Variants in MUSK observed in about 807,000 individuals in gnomAD.
MUSK encodes the protein muscle associated receptor tyrosine kinase.
MUSK carries 55 observed loss-of-function variants against 88.7 expected under a neutral mutation model. That is an observed-to-expected ratio of 0.62 (90% CI 0.50 to 0.78). The LOEUF (loss-of-function observed/expected upper bound fraction) is 0.78, where lower values mean the gene tolerates loss of function less well. Among genes scored for constraint, MUSK ranks in the 30% least tolerant of loss-of-function variants. The pLI, the probability that MUSK is intolerant of heterozygous loss-of-function variation, is 0.00. For synonymous variants in MUSK, 387 were observed against 391.9 expected (o/e 0.99, Z 0.15); for missense variants, 1,015 against 1,074.3 (o/e 0.94, Z 0.77).
intron 8 of MUSK, among the ~76,000 whole-genome samples, chr9:110,766,663 C>T (rs984328374): frequency 3.3e-5 from 5 of 152,156 alleles, no homozygotes; most frequent in African/African-American, 1.2e-4. Flanking sequence ...ATTGGGGTCA[C>T]GTAACAATTT....
chr9:110,724,092 G>C (rs1374163210), intron 5 of MUSK, among the ~76,000 whole-genome samples: 2 of 151,590 alleles, frequency 1.3e-5, no homozygotes, highest in Non-Finnish European at 2.9e-5. Flanking sequence ...TTGTGTCTCT[G>C]CTTGTTATTA....
At chr9:110,709,077 C>T (rs1057307308) in intron 5 of MUSK, among the ~76,000 whole-genome samples, 3 of 152,040 alleles carry the variant, frequency 2.0e-5, no homozygotes, top group South Asian at 2.1e-4. Context: ...GTTCCAGGTG[C>T]GACATGAGAC....
chr9:110,704,300 A>G (rs891963616), intron 5 of MUSK, among the ~76,000 whole-genome samples: 2 of 152,190 alleles, frequency 1.3e-5, no homozygotes, highest in African/African-American at 4.8e-5. Context: ...CATTAAAAAG[A>G]ATGAGATGGA....
rs552760988 is a variant in MUSK at position 110,761,505 on chromosome 9, CTTCTTT to C, written c.914-694_914-689del. 9.3e-5 allele frequency among the ~76,000 whole-genome samples: 14 copies of C among 150,132 alleles called. No homozygotes were observed. In the South Asian group the frequency reaches 1.7e-3, roughly 18 times the overall value. ...CATGTTCTTTTCTTTTCTCCTTCTC[CTTCTTT>C]TTTCTTTTTTTCCAAGTCTGCTTTA... On this transcript the variant is annotated intron_variant, in intron 7 of 14. Transcript: ENST00000374448.
intron 6 of MUSK, among the ~76,000 whole-genome samples, chr9:110,736,442 T>A (rs1363050611): frequency 6.6e-6 from 1 of 152,070 alleles, no homozygotes; most frequent in Non-Finnish European, 1.5e-5. Context: ...TGGGGGAACA[T>A]AACTAGACAA....
chr9:110,688,920 A>C (rs904600181), intron 3 of MUSK, among the ~76,000 whole-genome samples: 7 of 146,440 alleles, frequency 4.8e-5, no homozygotes, highest in Non-Finnish European at 7.5e-5. Flanking sequence ...TGTTATATAT[A>C]TTTATATATA....
intron 7 of MUSK, among the ~76,000 whole-genome samples, chr9:110,756,216 C>G (rs1252502065): frequency 6.6e-6 from 1 of 151,606 alleles, no homozygotes; most frequent in Non-Finnish European, 1.5e-5. Flanking sequence ...CTGACTGTCT[C>G]CTAGGACATT....
intron 7 of MUSK, among the ~76,000 whole-genome samples, chr9:110,761,545 C>T (rs1222527970): frequency 7.4e-6 from 1 of 134,832 alleles, no homozygotes; most frequent in East Asian, 2.2e-4. Flanking sequence ...TATGCATCTT[C>T]TCTGTTAACC....
At chr9:110,739,285 T>G (rs1321065537) in intron 6 of MUSK, among the ~76,000 whole-genome samples, 2 of 152,146 alleles carry the variant, frequency 1.3e-5, no homozygotes, top group African/African-American at 4.8e-5. Flanking sequence ...AGGCATCAGT[T>G]TTCCTCTTCT....
chr9:110,740,731 C>G (rs947232275), intron 6 of MUSK, among the ~76,000 whole-genome samples: 2 of 152,110 alleles, frequency 1.3e-5, no homozygotes, highest in African/African-American at 4.8e-5. Context: ...AATTTGTATA[C>G]TGCTTTTAAA....
At chr9:110,754,150 T>G (rs1435491869) in intron 7 of MUSK, among the ~76,000 whole-genome samples, 1 of 152,196 alleles carries the variant, frequency 6.6e-6, no homozygotes, top group Non-Finnish European at 1.5e-5. Context: ...TTTGTTTTTG[T>G]TCTTAATAAA....
At chr9:110,716,977 CTTTG>C (rs1484505058) in intron 5 of MUSK, among the ~76,000 whole-genome samples, 1 of 149,526 alleles carries the variant, frequency 6.7e-6, no homozygotes, top group African/African-American at 2.5e-5. Context: ...TTCCTGTGCT[CTTTG>C]TTTGGTATTC....
intron 9 of MUSK, among the ~76,000 whole-genome samples, chr9:110,770,944 A>G (rs1303847682): frequency 6.6e-6 from 1 of 151,964 alleles, no homozygotes; most frequent in Non-Finnish European, 1.5e-5. Flanking sequence ...GAGTTGAACT[A>G]TGTAATTTTT....
At chr9:110,682,979 A>G (rs768433911) in intron 2 of MUSK, among the ~76,000 whole-genome samples, 179 bp downstream of exon 2, 19 of 152,048 alleles carry the variant, frequency 1.2e-4, no homozygotes, top group Non-Finnish European at 2.6e-4. Context: ...ATTACAAACA[A>G]TCCAATTACA....
At chr9:110,679,801 C>T (rs1230195304) in intron 1 of MUSK, among the ~76,000 whole-genome samples, 1 of 94,558 alleles carries the variant, frequency 1.1e-5, no homozygotes, top group African/African-American at 6.0e-5. Flanking sequence ...TGAAGTTATT[C>T]AATATTTCTG....
intron 7 of MUSK, among the ~76,000 whole-genome samples, chr9:110,753,544 CAGTCCATGGTTCTATCCA>C: frequency 6.6e-6 from 1 of 152,048 alleles, no homozygotes; most frequent in East Asian, 1.9e-4. Context: ...TCAGAGAGTG[CAGTCCATGGTTCTATCCA>C]TGTTTATCCA....
intron 11 of MUSK, among the ~76,000 whole-genome samples, chr9:110,777,348 T>C (rs2077686868): frequency 6.6e-6 from 1 of 152,120 alleles, no homozygotes; most frequent in Non-Finnish European, 1.5e-5. Context: ...TTACTTCCTG[T>C]AATACATATT....
chr9:110,670,263 C>G (rs1196043056), intron 1 of MUSK, among the ~76,000 whole-genome samples: 1 of 152,154 alleles, frequency 6.6e-6, no homozygotes, highest in Non-Finnish European at 1.5e-5. Context: ...GTCAGAAAGA[C>G]TTAACATTGG....
chr9:110,804,717 T>C lies in MUSK; in HGVS notation c.*3729T>C, dbSNP rs2078140402. 6.6e-6 allele frequency among the ~76,000 whole-genome samples: 1 copy of C among 151,826 alleles called. No homozygotes were observed. The highest frequency in any genetic ancestry group is 1.5e-5 in the Non-Finnish European group (1 of 67,834). On this transcript the variant is annotated 3_prime_UTR_variant, in exon 15 of 15. Transcript: ENST00000374448. ...ATTTTCTTATAAAAGTAATATATTA[T>C]GTTTGAAAAGAAAAATAATATGCAA...
Sources: allele counts gnomAD v4.1 joint callset (sites outside exome capture counted in the v4.1 genomes callset), GRCh38; gene constraint gnomAD v4.1.1; transcripts MANE v1.5; gene names NCBI Gene and HGNC (gene_info 2026-07-23, HGNC 2026-07-21).